DEUP1: variants seen among roughly 807,000 people sequenced by gnomAD.
DEUP1 encodes deuterosome assembly protein 1.
Under a neutral mutation model 87.4 loss-of-function variants are expected in DEUP1, and 82 were observed. The ratio of observed to expected loss-of-function variants is 0.94; its 90% CI spans 0.78 to 1.13. DEUP1 has a LOEUF of 1.13. DEUP1 is among the 50% of genes most tolerant of loss of function. The pLI is 0.00. For synonymous variants in DEUP1, 214 were observed against 222.7 expected (o/e 0.96, Z 0.35); for missense variants, 663 against 681.5 (o/e 0.97, Z 0.30).
intron 13 of DEUP1, among the ~76,000 whole-genome samples, chr11:93,433,457 T>TA (rs1948158626): frequency 6.6e-6 from 1 of 152,174 alleles, no homozygotes; most frequent in South Asian, 2.1e-4. Flanking sequence ...AGCTGGAAGT[T>TA]AAGAGTTAGC....
In DEUP1 at chr11:93,408,428, G is replaced by C; in HGVS notation, c.1523+1G>C. The C allele has an allele frequency of 6.6e-7, 1 of 1,519,514 alleles. No homozygotes were observed. 94.1% of individuals were successfully genotyped at this position (1,519,514 alleles called of 1,614,324 possible). ...TAAAAGTGGAACAAAATGAAGAGAG[G>C]TATGCTGGCTCCATTATATAAGGGC... On this transcript the variant is annotated splice_donor_variant, in intron 12 of 13. Coordinates refer to ENST00000298050, the MANE Select transcript of DEUP1 (RefSeq NM_181645.4). LOFTEE classifies it high-confidence loss of function.
At chr11:93,389,450 T>C (rs910391224) in intron 9 of DEUP1, among the ~76,000 whole-genome samples, 3 of 152,164 alleles carry the variant, frequency 2.0e-5, no homozygotes, top group African/African-American at 7.2e-5. Flanking sequence ...CTTGGAGAAG[T>C]TTCCTGTGCA....
chr11:93,372,097 T>G (rs1340675231), intron 7 of DEUP1, among the ~76,000 whole-genome samples: 1 of 151,370 alleles, frequency 6.6e-6, no homozygotes, highest in Non-Finnish European at 1.5e-5. Context: ...CCCGGCTAAT[T>G]TTTTGTATTT....
chr11:93,408,240 T>A lies in DEUP1; in HGVS notation c.1336T>A (p.Phe446Ile). Reference sequence around the variant, plus strand: ...TTATTTTATTCTCTAGAGTATGGACTTCACTAACAGGGAACAGTCAAGGCA... The same window carrying A: ...TTATTTTATTCTCTAGAGTATGGACATCACTAACAGGGAACAGTCAAGGCA... ...LDPGEYMSMD[F>I]TNREQSRHTS... The change falls in exon 12 of 14, where the codon TTC becomes ATC. Residue 446 changes from phenylalanine (F) to isoleucine (I), a missense_variant. Phe to Ile is a conservative substitution (Grantham distance 21). Coordinates refer to ENST00000298050, the MANE Select transcript of DEUP1 (RefSeq NM_181645.4). 1 of 1,568,684 alleles carries A rather than the reference T, an allele frequency of 6.4e-7. No homozygotes were observed. Among genetic ancestry groups the A allele is most frequent in the Non-Finnish European group, 8.6e-7 (1 of 1,156,614 alleles).
intron 12 of DEUP1, among the ~76,000 whole-genome samples, chr11:93,410,350 G>A (rs1356405434): frequency 6.6e-6 from 1 of 152,140 alleles, no homozygotes; most frequent in Non-Finnish European, 1.5e-5. Context: ...GAGGTCGCTG[G>A]GCATGGCCAT....
At chr11:93,382,096 C>A (rs1270309379) in intron 7 of DEUP1, among the ~76,000 whole-genome samples, 3 of 152,112 alleles carry the variant, frequency 2.0e-5, no homozygotes, top group Non-Finnish European at 4.4e-5. Context: ...GTTCCAGTAA[C>A]TGAGTCAAGT....
chr11:93,359,081 A>C (rs1945036760), intron 4 of DEUP1, among the ~76,000 whole-genome samples: 1 of 152,182 alleles, frequency 6.6e-6, no homozygotes, highest in East Asian at 1.9e-4. Flanking sequence ...GTAGGGGAAA[A>C]GAGAGAAAAA....
chr11:93,360,715 T>C (rs3019229), intron 4 of DEUP1, among the ~76,000 whole-genome samples: 82,540 of 151,560 alleles, frequency 0.54, 22,889 homozygotes, highest in Admixed American at 0.65. Flanking sequence ...AGCTCGAAGA[T>C]AATACAATAG....
At chr11:93,340,303 C>T (rs944462560) in intron 2 of DEUP1, among the ~76,000 whole-genome samples, 1 of 152,048 alleles carries the variant, frequency 6.6e-6, no homozygotes, top group Admixed American at 6.6e-5. Context: ...AATGGCATTC[C>T]AGGCAGAGGA....
At chr11:93,337,664 C>T (rs1943843417) in intron 2 of DEUP1, among the ~76,000 whole-genome samples, 1 of 152,018 alleles carries the variant, frequency 6.6e-6, no homozygotes, top group African/African-American at 2.4e-5. Flanking sequence ...TGACGGTAGA[C>T]TCTGAAATGT....
intron 7 of DEUP1, among the ~76,000 whole-genome samples, chr11:93,374,141 T>C (rs12270883): frequency 0.24 from 36,887 of 152,128 alleles, 4,808 homozygotes; most frequent in South Asian, 0.38. Flanking sequence ...TTTGTTTTTT[T>C]CTTCCTGATT....
At chr11:93,350,971 T>A (rs142119188) in intron 2 of DEUP1, among the ~76,000 whole-genome samples, 2 of 148,402 alleles carry the variant, frequency 1.3e-5, no homozygotes, top group African/African-American at 4.9e-5. Flanking sequence ...AAATTATATA[T>A]ATAATTATAT....
At chr11:93,415,412 T>G (rs976037868) in intron 13 of DEUP1, among the ~76,000 whole-genome samples, 1 of 152,102 alleles carries the variant, frequency 6.6e-6, no homozygotes, top group Non-Finnish European at 1.5e-5. Context: ...CCTTCAATAT[T>G]CCATGAGTCC....
Position 93,364,290 on chromosome 11 carries a change from T to C in DEUP1, c.428T>C (p.Leu143Ser). 6.2e-7 allele frequency: 1 copy of C among 1,607,118 alleles called. No homozygotes were observed. The highest frequency in any genetic ancestry group is 8.5e-7 in the Non-Finnish European group (1 of 1,175,062). Reference protein sequence around the residue: ...PFELSNLNQKLEEFRAKSREW... With the variant: ...PFELSNLNQKSEEFRAKSREW... Reference sequence around the variant, plus strand: ...GAACTGAGCAATTTGAACCAGAAATTAGAGGTGAGATATATTATCTTAGTT... The same window carrying C: ...GAACTGAGCAATTTGAACCAGAAATCAGAGGTGAGATATATTATCTTAGTT... The change falls in exon 5 of 14, where the codon TTA becomes TCA. Residue 143 changes from leucine (L) to serine (S), a missense_variant. Transcript: ENST00000298050.
At chr11:93,411,131 A>G (rs572267112) in intron 12 of DEUP1, 1 of 152,346 alleles carries the variant, frequency 6.6e-6, no homozygotes, top group South Asian at 2.1e-4. Flanking sequence ...TGCAAAGCAG[A>G]TATCTCTCTG....
At chr11:93,411,208 A>G (rs1947426301) in intron 12 of DEUP1, 1 of 152,230 alleles carries the variant, frequency 6.6e-6, no homozygotes. Flanking sequence ...GTGAAGTGAA[A>G]CAGTAAAAAA....
chr11:93,370,677 C>T (rs924405759), intron 6 of DEUP1, among the ~76,000 whole-genome samples: 2 of 152,082 alleles, frequency 1.3e-5, no homozygotes, highest in African/African-American at 4.8e-5. Context: ...ACAACTTTTC[C>T]CCTACAATCA....
intron 4 of DEUP1, among the ~76,000 whole-genome samples, chr11:93,358,993 T>C (rs1226683158): frequency 1.7e-4 from 26 of 152,100 alleles, no homozygotes; most frequent in Admixed American, 1.7e-3. Context: ...TCACTGCAGT[T>C]TTCTGCTTCT....
At chr11:93,387,654 C>T (rs1052916372) in intron 8 of DEUP1, among the ~76,000 whole-genome samples, 3 of 151,988 alleles carry the variant, frequency 2.0e-5, no homozygotes, top group African/African-American at 7.2e-5. Flanking sequence ...TTTGCAAGAC[C>T]ACCATGAGGA....
Sources: allele counts gnomAD v4.1 joint callset (sites outside exome capture counted in the v4.1 genomes callset), GRCh38; gene constraint gnomAD v4.1.1; transcripts MANE v1.5; gene names NCBI Gene and HGNC (gene_info 2026-07-23, HGNC 2026-07-21).